DPP10: variants seen among roughly 807,000 people sequenced by gnomAD.
The protein encoded by DPP10 is inactive dipeptidyl peptidase 10.
DPP10 carries 33 observed loss-of-function variants against 120.9 expected under a neutral mutation model. That is an observed-to-expected ratio of 0.27 (90% CI 0.21 to 0.37). The LOEUF (loss-of-function observed/expected upper bound fraction) is 0.37. DPP10 is among the 10% of genes least tolerant of loss of function. DPP10 has a pLI of 1.00. For missense variants in DPP10, 816 were observed against 942.8 expected, an observed-to-expected ratio of 0.87 and a Z score of 1.76; for synonymous variants, 337 against 326.1, an observed-to-expected ratio of 1.03 and a Z score of -0.36.
At chr2:115,557,260 T>C (rs1193227982) in intron 5 of DPP10, among the ~76,000 whole-genome samples, 1 of 152,080 alleles carries the variant, frequency 6.6e-6, no homozygotes, top group South Asian at 2.1e-4. Context: ...TTTTGCAACA[T>C]GACACTACAC....
chr2:114,879,936 G>C (rs1225160564), intron 1 of DPP10, among the ~76,000 whole-genome samples: 1 of 152,110 alleles, frequency 6.6e-6, no homozygotes, highest in East Asian at 1.9e-4. Flanking sequence ...CACTAATAAA[G>C]ACTAAGATGA....
rs10172418 is a variant in DPP10, at chr2:114,653,029, T to A, written c.60+210191T>A. On this transcript the variant is annotated intron_variant, in intron 1 of 25. Coordinates refer to ENST00000410059, the MANE Select transcript of DPP10 (RefSeq NM_020868.6). ...GAGAGAAAGAGAGAGAGAGAGAGAG[T>A]GTGTGTGTGTGTGTGTGTGTGTGTG... is the stretch of plus-strand genomic sequence containing the variant. 9.6e-3 allele frequency among the ~76,000 whole-genome samples: 1,284 copies of A among 133,744 alleles called. 7 individuals carry two copies. Among genetic ancestry groups the A allele is most frequent in the South Asian group, 0.036 (148 of 4,130 alleles). 87.7% of individuals were successfully genotyped at this position (133,744 alleles called of 152,430 possible).
At chr2:115,101,558 G>A (rs1431544928) in intron 1 of DPP10, among the ~76,000 whole-genome samples, 3 of 152,080 alleles carry the variant, frequency 2.0e-5, no homozygotes, top group Non-Finnish European at 2.9e-5. Flanking sequence ...CACCCCCTAC[G>A]AAGCATTTTT....
chr2:114,550,118 T>C (rs1163010982), intron 1 of DPP10, among the ~76,000 whole-genome samples: 1 of 152,208 alleles, frequency 6.6e-6, no homozygotes, highest in Non-Finnish European at 1.5e-5. Context: ...CTGGCCTCCC[T>C]CATTTTTCAT....
chr2:114,980,755 C>T (rs768387903), intron 1 of DPP10, among the ~76,000 whole-genome samples: 2 of 151,922 alleles, frequency 1.3e-5, no homozygotes, highest in African/African-American at 4.8e-5. Context: ...CCTCCCAGAG[C>T]GCTGCAGGTA....
intron 3 of DPP10, among the ~76,000 whole-genome samples, chr2:115,495,633 G>T (rs1389951741): frequency 6.6e-6 from 1 of 151,988 alleles, no homozygotes; most frequent in Non-Finnish European, 1.5e-5. Context: ...TTTAAATTAG[G>T]ATACTATGTT....
chr2:114,586,115 A>G (rs1458109902), intron 1 of DPP10, among the ~76,000 whole-genome samples: 2 of 152,096 alleles, frequency 1.3e-5, no homozygotes, highest in East Asian at 1.9e-4. Flanking sequence ...GCTGGGTATC[A>G]TGGTGAGCAC....
chr2:114,598,584 G>A (rs1692114079), intron 1 of DPP10, among the ~76,000 whole-genome samples: 1 of 151,750 alleles, frequency 6.6e-6, no homozygotes, highest in Admixed American at 6.6e-5. Context: ...CAGGAAGGAG[G>A]GAAACCAGGG....
Position 115,768,340 on chromosome 2 carries a change from T to A in DPP10, c.1157T>A (p.Met386Lys). The A allele has an allele frequency of 6.2e-7, 1 of 1,613,752 alleles. No homozygotes were observed. ...VFSRDGSKFFMTVPVKQGGRG... is the reference protein window; with the variant it reads ...VFSRDGSKFFKTVPVKQGGRG... ...TCTAGAGACGGCAGCAAATTCTTTA[T>A]GACAGTGCCTGTTAAGCAAGGGGGA... The change falls in exon 13 of 26, where the codon ATG becomes AAG. Residue 386 changes from methionine to lysine, a missense_variant. By Grantham distance (95) the Met-to-Lys change is moderately conservative. This residue lies in a region of DPP10 where 592 missense variants were observed against 649.0 expected (regional missense o/e 0.91). Coordinates refer to ENST00000410059, the MANE Select transcript of DPP10 (RefSeq NM_020868.6).
intron 1 of DPP10, among the ~76,000 whole-genome samples, chr2:114,711,086 A>C (rs34334979): frequency 0.042 from 6,469 of 152,212 alleles, 166 homozygotes; most frequent in South Asian, 0.082. Context: ...GGCAAGAAAA[A>C]AAAAGATTAA....
intron 3 of DPP10, among the ~76,000 whole-genome samples, chr2:115,474,985 C>T (rs2105213494): frequency 6.6e-6 from 1 of 150,936 alleles, no homozygotes; most frequent in East Asian, 2.0e-4. Flanking sequence ...CACTCTGCTC[C>T]AGCTCCAGCC....
intron 5 of DPP10, among the ~76,000 whole-genome samples, chr2:115,535,272 C>T (rs1454272830): frequency 6.8e-6 from 1 of 147,176 alleles, no homozygotes; most frequent in Admixed American, 6.8e-5. Flanking sequence ...TTTAATCCAT[C>T]TTGAATTGAT....
chr2:115,180,895 TC>T (rs1269169680), intron 1 of DPP10, among the ~76,000 whole-genome samples: 1 of 108,222 alleles, frequency 9.2e-6, no homozygotes, highest in Non-Finnish European at 1.9e-5. Flanking sequence ...TGATGCTCTC[TC>T]CCTCCCTCCA....
At chr2:115,822,659 GTT>G (rs1382228032) in intron 21 of DPP10, among the ~76,000 whole-genome samples, 2 of 151,790 alleles carry the variant, frequency 1.3e-5, no homozygotes, top group Non-Finnish European at 1.5e-5. Flanking sequence ...CATTAACCAT[GTT>G]TAGGTTGTAT....
intron 1 of DPP10, among the ~76,000 whole-genome samples, chr2:114,784,458 C>G (rs577908830): frequency 6.6e-6 from 1 of 152,038 alleles, no homozygotes; most frequent in Admixed American, 6.6e-5. Flanking sequence ...GTATGCATGC[C>G]CCTGTCTGAT....
At chr2:114,721,250 A>G (rs1701688896) in intron 1 of DPP10, among the ~76,000 whole-genome samples, 1 of 152,098 alleles carries the variant, frequency 6.6e-6, no homozygotes, top group Non-Finnish European at 1.5e-5. Context: ...TACTTTGCAG[A>G]TTTGCTGAGA....
chr2:115,296,917 G>A (rs1438896966), intron 1 of DPP10, among the ~76,000 whole-genome samples: 2 of 151,900 alleles, frequency 1.3e-5, no homozygotes, highest in Non-Finnish European at 2.9e-5. Flanking sequence ...GTTTACAGAT[G>A]TTCTAAAACT....
At chr2:115,682,366 C>T (rs1187604906) in intron 5 of DPP10, among the ~76,000 whole-genome samples, 2 of 151,784 alleles carry the variant, frequency 1.3e-5, no homozygotes, top group South Asian at 4.1e-4. Context: ...GTCAATGAGG[C>T]TGTTAGTTTA....
intron 21 of DPP10, among the ~76,000 whole-genome samples, chr2:115,832,815 T>A (rs1170588286): frequency 6.6e-6 from 1 of 151,974 alleles, no homozygotes; most frequent in African/African-American, 2.4e-5. Flanking sequence ...TTTTTTTTTT[T>A]AAAGCTTCAC....
Sources: allele counts gnomAD v4.1 joint callset (sites outside exome capture counted in the v4.1 genomes callset), GRCh38; gene constraint gnomAD v4.1.1; regional missense constraint gnomAD v4.1.1; transcripts MANE v1.5; gene names NCBI Gene and HGNC (gene_info 2026-07-23, HGNC 2026-07-21).